Variants in PTGR2 observed in about 807,000 individuals in gnomAD.
The protein encoded by PTGR2 is prostaglandin reductase 2, also known as 15-oxoprostaglandin 13-reductase.
Under a neutral mutation model 43.4 loss-of-function variants are expected in PTGR2, and 32 were observed. That is an observed-to-expected ratio of 0.74 (90% CI 0.56 to 0.99). The LOEUF (loss-of-function observed/expected upper bound fraction) is 0.99, where lower values mean the gene tolerates loss of function less well. Ranked by LOEUF, PTGR2 falls within the 50% of genes least tolerant of loss-of-function variation. PTGR2 has a pLI of 0.00. For missense variants in PTGR2, 373 were observed against 420.0 expected (o/e 0.89, Z 0.98); for synonymous variants, 106 against 139.2 (o/e 0.76, Z 1.68).
chr14:73,877,318 G>T, intron 5 of PTGR2, 150 bp downstream of exon 5: 5 of 642,862 alleles, frequency 7.8e-6, no homozygotes, highest in Non-Finnish European at 1.2e-5. Context: ...AGGCTGGAGT[G>T]CAGTGGCGCA....
At chr14:73,872,228 C>G (rs2054752869) in intron 3 of PTGR2, among the ~76,000 whole-genome samples, 1 of 152,064 alleles carries the variant, frequency 6.6e-6, no homozygotes, top group Admixed American at 6.6e-5. Context: ...GTGAAGAGAG[C>G]ACTTATCTGA....
intron 7 of PTGR2, among the ~76,000 whole-genome samples, chr14:73,880,767 T>A (rs1465460445): frequency 1.3e-5 from 2 of 152,088 alleles, no homozygotes; most frequent in African/African-American, 4.8e-5. Context: ...ACGGTGCTAT[T>A]AACAAATGGG....
At chr14:73,878,798 A>C in intron 5 of PTGR2, 1 of 366,066 alleles carries the variant, frequency 2.7e-6, no homozygotes, top group Non-Finnish European at 5.1e-6. Context: ...GGTTAGGTAT[A>C]TTAAATGCAT....
chr14:73,870,271 C>T (rs982073346), intron 3 of PTGR2, among the ~76,000 whole-genome samples: 9 of 151,576 alleles, frequency 5.9e-5, no homozygotes, highest in East Asian at 1.9e-4. Flanking sequence ...CTCTGCCTCC[C>T]GGGTTCAAGT....
At chr14:73,854,304 G>T (rs1270311642) in intron 1 of PTGR2, among the ~76,000 whole-genome samples, 1 of 151,804 alleles carries the variant, frequency 6.6e-6, no homozygotes, top group Non-Finnish European at 1.5e-5. Flanking sequence ...GTTTCACCAT[G>T]TTGGCCAGGC....
chr14:73,865,656 G>C (rs1443991075), intron 3 of PTGR2, among the ~76,000 whole-genome samples: 2 of 151,778 alleles, frequency 1.3e-5, no homozygotes, highest in African/African-American at 4.8e-5. Context: ...AGACTCCCAA[G>C]TAACTGGGAC....
chr14:73,882,037 C>T (rs1566643451), intron 8 of PTGR2, among the ~76,000 whole-genome samples: 1 of 151,914 alleles, frequency 6.6e-6, no homozygotes, highest in Non-Finnish European at 1.5e-5. Flanking sequence ...CCCATCCAGC[C>T]TCCCAAAGTG....
At chr14:73,882,296 G>T in intron 8 of PTGR2, 103 bp from the exon 9 acceptor site, 1 of 702,516 alleles carries the variant, frequency 1.4e-6, no homozygotes, top group African/African-American at 1.8e-5. Context: ...TCTATTTTTA[G>T]ACAAAGTGCT....
At chr14:73,863,422 C>T (rs1299497032) in intron 3 of PTGR2, among the ~76,000 whole-genome samples, 1 of 152,140 alleles carries the variant, frequency 6.6e-6, no homozygotes, top group Non-Finnish European at 1.5e-5. Context: ...AATCCTCTCA[C>T]CTCAGCTGAG....
At chr14:73,867,308 A>C (rs1207752878) in intron 3 of PTGR2, among the ~76,000 whole-genome samples, 1 of 151,920 alleles carries the variant, frequency 6.6e-6, no homozygotes, top group Non-Finnish European at 1.5e-5. Flanking sequence ...TGCAGATGGC[A>C]GATAATGGGA....
At position 73,852,371 on chromosome 14, in the gene PTGR2, C is replaced by T. The variant is rs569268977; in HGVS notation, c.-48+428C>T. On this transcript the variant is annotated intron_variant, in intron 1 of 9. Coordinates refer to ENST00000555661, the MANE Select transcript of PTGR2 (RefSeq NM_001146154.2). ...CCATCTCTCGGGTTCAAGCGATTCT[C>T]CTGCCTCAGCCTCCCGAGTAGCTGG... 3.1e-3 allele frequency among the ~76,000 whole-genome samples: 474 copies of T among 152,208 alleles called. 4 individuals carry two copies. The highest frequency in any genetic ancestry group is 9.9e-3 in the African/African-American group (412 of 41,526).
intron 2 of PTGR2, among the ~76,000 whole-genome samples, 177 bp downstream of exon 2, chr14:73,859,076 A>G (rs2054428426): frequency 6.6e-6 from 1 of 152,178 alleles, no homozygotes; most frequent in Non-Finnish European, 1.5e-5. Flanking sequence ...TTAGCTTATC[A>G]AGACCATTTT....
intron 1 of PTGR2, among the ~76,000 whole-genome samples, chr14:73,853,925 A>T (rs2140225570): frequency 1.3e-5 from 2 of 152,194 alleles, no homozygotes; most frequent in Admixed American, 6.5e-5. Flanking sequence ...ATTATTTTGG[A>T]ATATTAGCAC....
intron 9 of PTGR2, among the ~76,000 whole-genome samples, 164 bp downstream of exon 9, chr14:73,882,602 G>A (rs1164469422): frequency 1.3e-5 from 2 of 151,972 alleles, no homozygotes; most frequent in Non-Finnish European, 2.9e-5. Flanking sequence ...CCAGGCTCAC[G>A]CCATTCTCCT....
chr14:73,855,913 G>T (rs1595342611), intron 1 of PTGR2, among the ~76,000 whole-genome samples: 1 of 151,218 alleles, frequency 6.6e-6, no homozygotes, highest in African/African-American at 2.4e-5. Flanking sequence ...AAAATTAGCC[G>T]GGCATGGTGG....
intron 6 of PTGR2, 181 bp downstream of exon 6, chr14:73,879,486 C>T (rs2054934436): frequency 1.8e-6 from 1 of 546,062 alleles, no homozygotes; most frequent in African/African-American, 1.9e-5. Context: ...CATTTACTTG[C>T]AGATTTGTAC....
At chr14:73,862,394 AG>A (rs1388068011) in intron 3 of PTGR2, among the ~76,000 whole-genome samples, 1 of 151,970 alleles carries the variant, frequency 6.6e-6, no homozygotes, top group Non-Finnish European at 1.5e-5. Flanking sequence ...TTTTTAGTAG[AG>A]ATGGGGTTTC....
In PTGR2 at chr14:73,879,145, A is replaced by G; in HGVS notation, c.569A>G (p.His190Arg). The G allele has an allele frequency of 1.2e-6, 2 of 1,614,168 alleles. No homozygotes were observed. Among genetic ancestry groups the G allele is most frequent in the Non-Finnish European group, 1.7e-6 (2 of 1,180,036 alleles). ...CSRVVGICGT[H>R]EKCILLTSEL... ...AGAGTGGTGGGAATTTGTGGAACAC[A>G]TGAGAAATGCATCCTCTTGACCTCA... Residue 190 changes from histidine to arginine, a missense_variant, in exon 6 of 10, where the codon CAT (histidine) becomes CGT (arginine). By Grantham distance (29) the His-to-Arg change is conservative. Transcript: ENST00000555661.
At chr14:73,882,026 G>A (rs2055002983) in intron 8 of PTGR2, among the ~76,000 whole-genome samples, 1 of 151,758 alleles carries the variant, frequency 6.6e-6, no homozygotes, top group Admixed American at 6.6e-5. Context: ...CAAGTGTTCT[G>A]CCCATCCAGC....
Sources: allele counts gnomAD v4.1 joint callset (sites outside exome capture counted in the v4.1 genomes callset), GRCh38; gene constraint gnomAD v4.1.1; transcripts MANE v1.5; gene names NCBI Gene and HGNC (gene_info 2026-07-23, HGNC 2026-07-21).